The following GBE1 variants were observed in gnomAD, a reference collection of about 807,000 sequenced individuals.
GBE1 encodes 1,4-alpha-glucan-branching enzyme.
A neutral mutation model predicts 88.8 loss-of-function variants in GBE1; 70 were observed. That is an observed-to-expected ratio of 0.79 (90% confidence interval 0.65 to 0.96). GBE1 has a LOEUF of 0.96. Ranked by LOEUF, GBE1 falls within the 40% of genes least tolerant of loss-of-function variation. GBE1 has a pLI of 0.00. For missense variants in GBE1, 872 were observed against 871.0 expected (o/e 1.00, Z -0.01); for synonymous variants, 284 against 300.1 (o/e 0.95, Z 0.56).
intron 1 of GBE1, among the ~76,000 whole-genome samples, chr3:81,711,165 A>G (rs182362263): frequency 2.0e-4 from 31 of 152,312 alleles, no homozygotes; most frequent in Non-Finnish European, 4.1e-4. Flanking sequence ...CTTACCTGGA[A>G]ATGTATTGAG....
intron 7 of GBE1, among the ~76,000 whole-genome samples, chr3:81,611,982 AT>A (rs1490441025): frequency 2.0e-5 from 3 of 152,238 alleles, no homozygotes; most frequent in African/African-American, 4.8e-5. Flanking sequence ...GGAAAAAAGC[AT>A]TTTTGACATC....
chr3:81,562,203 T>C (rs895594603), intron 12 of GBE1, among the ~76,000 whole-genome samples: 6 of 152,058 alleles, frequency 3.9e-5, no homozygotes, highest in Admixed American at 1.3e-4. Context: ...CTATCACAAG[T>C]AAACAAAGAG....
intron 7 of GBE1, among the ~76,000 whole-genome samples, chr3:81,605,731 G>A (rs1191286599): frequency 2.0e-5 from 3 of 151,962 alleles, no homozygotes; most frequent in South Asian, 4.1e-4. Context: ...TTTAGATTTC[G>A]TGGCCATGTA....
At chr3:81,592,923 A>G (rs1703899199) in intron 8 of GBE1, among the ~76,000 whole-genome samples, 1 of 152,226 alleles carries the variant, frequency 6.6e-6, no homozygotes. Context: ...GGGCAGCATC[A>G]TGAGTAAGAT....
At chr3:81,760,017 TCTGA>T (rs562463335) in intron 1 of GBE1, among the ~76,000 whole-genome samples, 188 of 152,342 alleles carry the variant, frequency 1.2e-3, no homozygotes, top group Admixed American at 3.1e-3. Context: ...CTAAATTTTT[TCTGA>T]CTATTTCTAA....
chr3:81,610,987 GACATATAC>G (rs1179954711), intron 7 of GBE1, among the ~76,000 whole-genome samples: 3 of 150,024 alleles, frequency 2.0e-5, no homozygotes, highest in Non-Finnish European at 4.4e-5. Context: ...GATTTTGCCA[GACATATAC>G]TGGGGCTTTA....
intron 1 of GBE1, among the ~76,000 whole-genome samples, chr3:81,750,479 A>G (rs532183081): frequency 1.4e-5 from 2 of 144,406 alleles, no homozygotes; most frequent in South Asian, 4.3e-4. Context: ...AGATAAGATG[A>G]AAAAATTATT....
chr3:81,614,037 G>GT (rs1451657689), intron 7 of GBE1, among the ~76,000 whole-genome samples: 1 of 148,866 alleles, frequency 6.7e-6, no homozygotes, highest in Non-Finnish European at 1.5e-5. Context: ...ACTTTTTTTT[G>GT]TTTTTTTAGA....
intron 10 of GBE1, among the ~76,000 whole-genome samples, chr3:81,582,851 C>A (rs144607776): frequency 6.6e-6 from 1 of 151,744 alleles, no homozygotes; most frequent in Non-Finnish European, 1.5e-5. Flanking sequence ...AAAAGAGAGA[C>A]CTATACAAGG....
intron 12 of GBE1, among the ~76,000 whole-genome samples, chr3:81,577,127 A>G (rs969346781): frequency 1.3e-5 from 2 of 151,768 alleles, no homozygotes; most frequent in African/African-American, 4.8e-5. Context: ...CTTTTGGTAG[A>G]GATGGGGCTT....
chr3:81,582,815 G>A (rs1011890628), intron 10 of GBE1, among the ~76,000 whole-genome samples: 9 of 151,868 alleles, frequency 5.9e-5, no homozygotes, highest in Non-Finnish European at 1.3e-4. Flanking sequence ...CCATAAGAGA[G>A]TCAAAAATTT....
intron 11 of GBE1, among the ~76,000 whole-genome samples, chr3:81,578,700 T>C (rs1227631545): frequency 2.0e-5 from 3 of 152,092 alleles, no homozygotes; most frequent in Admixed American, 2.0e-4. Flanking sequence ...ATAATAATTA[T>C]TAACTGAGGC....
intron 3 of GBE1, among the ~76,000 whole-genome samples, chr3:81,665,859 A>T (rs1487039047): frequency 6.6e-6 from 1 of 152,192 alleles, no homozygotes; most frequent in East Asian, 1.9e-4. Flanking sequence ...AGCAGTGGTA[A>T]TGAAGGTGCA....
At chr3:81,617,869 CT>C (rs1288115585) in intron 7 of GBE1, among the ~76,000 whole-genome samples, 1 of 151,764 alleles carries the variant, frequency 6.6e-6, no homozygotes, top group Non-Finnish European at 1.5e-5. Flanking sequence ...ATGTTACATG[CT>C]TTTAAGTTAC....
intron 14 of GBE1, among the ~76,000 whole-genome samples, chr3:81,500,419 A>C (rs1189671083): frequency 6.6e-6 from 1 of 152,168 alleles, no homozygotes; most frequent in African/African-American, 2.4e-5. Context: ...AATATTGTGG[A>C]ATTTAAAAAA....
intron 1 of GBE1, among the ~76,000 whole-genome samples, chr3:81,753,864 C>T (rs1182241818): frequency 6.6e-6 from 1 of 152,112 alleles, no homozygotes; most frequent in Non-Finnish European, 1.5e-5. Flanking sequence ...CTTCAGAGCC[C>T]ACAACTTGGC....
At chr3:81,526,758 T>C (rs543018246) in intron 14 of GBE1, among the ~76,000 whole-genome samples, 2 of 152,222 alleles carry the variant, frequency 1.3e-5, no homozygotes, top group Non-Finnish European at 2.9e-5. Context: ...TGCTCATGGG[T>C]AGGAAGAATC....
intron 2 of GBE1, among the ~76,000 whole-genome samples, chr3:81,698,324 G>A (rs547153721): frequency 6.6e-5 from 10 of 151,890 alleles, no homozygotes; most frequent in Non-Finnish European, 7.4e-5. Flanking sequence ...ATATACATTC[G>A]CCCATCTTGT....
chr3:81,554,182 T>G (rs754682674), intron 12 of GBE1, among the ~76,000 whole-genome samples: 32 of 151,502 alleles, frequency 2.1e-4, no homozygotes, highest in Non-Finnish European at 3.7e-4. Context: ...AAGGAAATGG[T>G]GGGGGGAAAA....
Sources: gnomAD v4.1 joint callset for allele counts (sites outside exome capture counted in the v4.1 genomes callset) on GRCh38, gnomAD v4.1.1 for gene constraint, MANE v1.5 for transcripts, NCBI Gene and HGNC (gene_info 2026-07-23, HGNC 2026-07-21) for gene names.